The following ZNG1B variants were observed in gnomAD, a reference collection of about 807,000 sequenced individuals.
ZNG1B encodes the protein zinc-regulated GTPase metalloprotein activator 1B.
At chr2:113,443,633 T>A in the ZNG1B span, 4 of 1,084,542 alleles carry the variant, frequency 3.7e-6, no homozygotes, top group Non-Finnish European at 5.2e-6. Context: ...CGAGGCTGCA[T>A]GAATAAAATG....
At chr2:113,477,167 G>A in the ZNG1B span, among the ~76,000 whole-genome samples, 24 of 152,182 alleles carry the variant, frequency 1.6e-4, no homozygotes, top group African/African-American at 4.6e-4. Context: ...AGCAATCAGC[G>A]AGACTCCGTG....
At chr2:113,450,382 A>G in the ZNG1B span, among the ~76,000 whole-genome samples, 1 of 148,502 alleles carries the variant, frequency 6.7e-6, no homozygotes, top group Non-Finnish European at 1.5e-5. Flanking sequence ...CTTTTTGTCA[A>G]TAATTCTGTT....
At chr2:113,495,179 C>G in the ZNG1B span, 2 of 1,502,042 alleles carry the variant, frequency 1.3e-6, no homozygotes, top group Non-Finnish European at 8.9e-7. Context: ...TCCATGAGCT[C>G]TATGATCTGG....
chr2:113,437,963 A>C, the ZNG1B span: 3 of 1,612,004 alleles, frequency 1.9e-6, no homozygotes, highest in Non-Finnish European at 2.5e-6. Context: ...CAAAGCGAGG[A>C]GGAGGAAAAG....
chr2:113,460,635 GTAT>G, the ZNG1B span: 1 of 1,574,746 alleles, frequency 6.4e-7, no homozygotes, highest in Non-Finnish European at 8.6e-7. Flanking sequence ...ATTTTTTATT[GTAT>G]TATAGTAACT....
the ZNG1B span, among the ~76,000 whole-genome samples, chr2:113,475,301 A>C: frequency 6.6e-6 from 1 of 151,974 alleles, no homozygotes; most frequent in Non-Finnish European, 1.5e-5. Context: ...ATCAGAGACT[A>C]GGATTGCAAC....
the ZNG1B span, chr2:113,455,561 A>G: frequency 2.3e-6 from 3 of 1,285,728 alleles, no homozygotes; most frequent in Non-Finnish European, 2.0e-6. Flanking sequence ...CCCAAGTGAA[A>G]TACCACTAAA....
chr2:113,441,534 G>A, the ZNG1B span: 1 of 1,581,250 alleles, frequency 6.3e-7, no homozygotes, highest in Non-Finnish European at 8.7e-7. Context: ...GAAAATGCAA[G>A]GTATTGTATT....
At chr2:113,486,273 T>G in the ZNG1B span, among the ~76,000 whole-genome samples, 6 of 128,138 alleles carry the variant, frequency 4.7e-5, no homozygotes, top group East Asian at 2.3e-4. Flanking sequence ...TTTTTCAGGG[T>G]TTTTCTAACG....
At chr2:113,440,398 C>T in the ZNG1B span, among the ~76,000 whole-genome samples, 3 of 151,892 alleles carry the variant, frequency 2.0e-5, no homozygotes, top group South Asian at 6.2e-4. Context: ...CACATCACTG[C>T]CCTGTGAAAC....
At chr2:113,479,565 A>G in the ZNG1B span, among the ~76,000 whole-genome samples, 108 of 152,256 alleles carry the variant, frequency 7.1e-4, no homozygotes, top group South Asian at 2.9e-3. Context: ...TGAAATAACC[A>G]GAAGTCTAGC....
At chr2:113,444,265 G>T in the ZNG1B span, 2 of 293,334 alleles carry the variant, frequency 6.8e-6, no homozygotes, top group South Asian at 6.3e-5. Flanking sequence ...AAGTTTTCAA[G>T]GACAGTGTTC....
At chr2:113,439,422 T>C in the ZNG1B span, among the ~76,000 whole-genome samples, 1 of 151,990 alleles carries the variant, frequency 6.6e-6, no homozygotes, top group Non-Finnish European at 1.5e-5. Flanking sequence ...TCTGTTACCA[T>C]CCCCCCAAAT....
the ZNG1B span, among the ~76,000 whole-genome samples, chr2:113,453,665 C>G: frequency 1.3e-5 from 2 of 150,712 alleles, no homozygotes; most frequent in African/African-American, 4.9e-5. Context: ...ATGATGAAAT[C>G]TTTGTTCATA....
At chr2:113,444,859 AG>A in the ZNG1B span, 16,128 of 1,509,560 alleles carry the variant, frequency 0.011, 1,427 homozygotes, top group African/African-American at 0.19. Flanking sequence ...CACATTCCTA[AG>A]GGTACTTTTG....
At chr2:113,478,973 CT>C in the ZNG1B span, among the ~76,000 whole-genome samples, 1 of 151,952 alleles carries the variant, frequency 6.6e-6, no homozygotes, top group Non-Finnish European at 1.5e-5. Context: ...CGTTTTTCAC[CT>C]GTAGCTTCTG....
chr2:113,490,295 A>T, the ZNG1B span, among the ~76,000 whole-genome samples: 2 of 152,200 alleles, frequency 1.3e-5, no homozygotes, highest in Admixed American at 6.5e-5. Flanking sequence ...AAATGTAAAA[A>T]TTCCTCAAAC....
chr2:113,472,103 G>A, the ZNG1B span, among the ~76,000 whole-genome samples: 3 of 146,948 alleles, frequency 2.0e-5, no homozygotes, highest in Non-Finnish European at 4.5e-5. Context: ...TCCGCCAACA[G>A]TGTAAAAGTG....
At chr2:113,438,954 G>A in the ZNG1B span, 3 of 1,521,504 alleles carry the variant, frequency 2.0e-6, no homozygotes, top group Non-Finnish European at 2.7e-6. Context: ...TAGACTGTAA[G>A]TTTATTCCCG....
Sources: gnomAD v4.1 joint callset for allele counts (sites outside exome capture counted in the v4.1 genomes callset) on GRCh38, gnomAD v4.1.1 for gene constraint, MANE v1.5 for transcripts, NCBI Gene and HGNC (gene_info 2026-07-23, HGNC 2026-07-21) for gene names.